The following PHTF2 variants were observed in gnomAD, a reference collection of about 807,000 sequenced individuals.
PHTF2 encodes putative homeodomain transcription factor 2.
In PHTF2, 60 loss-of-function variants were observed where a neutral mutation model predicts 101.2. That is an observed-to-expected ratio of 0.59 (90% confidence interval 0.48 to 0.73). The LOEUF (loss-of-function observed/expected upper bound fraction) is 0.73. Ranked by LOEUF, PHTF2 falls within the 30% of genes least tolerant of loss-of-function variation. The probability of loss-of-function intolerance (pLI) is 0.00; values close to 1 mark genes in which losing one functional copy is unlikely to be tolerated. For missense variants in PHTF2, 747 were observed against 908.7 expected (o/e 0.82, Z 2.29); for synonymous variants, 311 against 307.3 (o/e 1.01, Z -0.13).
intron 12 of PHTF2, among the ~76,000 whole-genome samples, chr7:77,930,551 G>C (rs564790374): frequency 6.6e-6 from 1 of 151,634 alleles, no homozygotes. Context: ...CAGAAAACTC[G>C]AGAAAAAAAA....
intron 1 of PHTF2, among the ~76,000 whole-genome samples, chr7:77,832,992 A>G (rs1049372113): frequency 2.0e-5 from 3 of 151,878 alleles, no homozygotes; most frequent in African/African-American, 7.2e-5. Flanking sequence ...ATAAAATAGG[A>G]CAATCGTAAC....
intron 16 of PHTF2, among the ~76,000 whole-genome samples, chr7:77,945,058 G>A (rs1371384463): frequency 6.6e-6 from 1 of 152,208 alleles, no homozygotes; most frequent in Non-Finnish European, 1.5e-5. Context: ...TACAGGAGGA[G>A]GCTGGGTGTG....
chr7:77,801,630 T>G (rs932154294), intron 1 of PHTF2, among the ~76,000 whole-genome samples: 7 of 152,124 alleles, frequency 4.6e-5, no homozygotes, highest in African/African-American at 1.7e-4. Context: ...AAACTTAGCT[T>G]CATGCACAGA....
intron 1 of PHTF2, among the ~76,000 whole-genome samples, chr7:77,802,446 C>G (rs1202495709): frequency 6.6e-6 from 1 of 152,174 alleles, no homozygotes; most frequent in African/African-American, 2.4e-5. Context: ...AACCCCTTTA[C>G]CTAGCCTGTA....
chr7:77,881,720 A>G (rs1425799545), intron 3 of PHTF2, among the ~76,000 whole-genome samples: 1 of 152,158 alleles, frequency 6.6e-6, no homozygotes, highest in Non-Finnish European at 1.5e-5. Context: ...CATGGTTAAT[A>G]GTAGCAGTGC....
chr7:77,936,898 A>C (rs1025521624), intron 12 of PHTF2, among the ~76,000 whole-genome samples: 3 of 151,918 alleles, frequency 2.0e-5, no homozygotes, highest in Non-Finnish European at 4.4e-5. Context: ...TAATCCCAGC[A>C]CTTTGGGAGG....
intron 1 of PHTF2, among the ~76,000 whole-genome samples, chr7:77,810,536 C>A (rs117460325): frequency 6.6e-6 from 1 of 152,058 alleles, no homozygotes; most frequent in African/African-American, 2.4e-5. Context: ...AGAGTGACCT[C>A]CCATTTTTTT....
intron 2 of PHTF2, among the ~76,000 whole-genome samples, chr7:77,853,843 C>T (rs565488300): frequency 1.3e-5 from 2 of 152,148 alleles, no homozygotes; most frequent in Non-Finnish European, 2.9e-5. Context: ...TTCCTTCTCT[C>T]TTTTATCTTG....
exon 10 of PHTF2, chr7:77,920,420 A>G (rs1383510399): frequency 1.2e-6 from 2 of 1,613,708 alleles, no homozygotes; most frequent in Non-Finnish European, 8.5e-7. Context: ...TTCGACCAGA[A>G]GAGACAGCCT....
At chr7:77,949,772 T>A (rs1190616746) in exon 17 of PHTF2, 1 of 1,547,784 alleles carries the variant, frequency 6.5e-7, no homozygotes, top group Non-Finnish European at 8.8e-7. Context: ...CTAAGATTTG[T>A]TACCCTTGGA....
chr7:77,891,171 A>AGT (rs1248359404), intron 3 of PHTF2, among the ~76,000 whole-genome samples: 1 of 152,110 alleles, frequency 6.6e-6, no homozygotes, highest in Non-Finnish European at 1.5e-5. Flanking sequence ...GGCCTCCCAA[A>AGT]GTGCTAGGAT....
chr7:77,842,392 C>T lies in PHTF2; in HGVS notation c.45+2092C>T, dbSNP rs76358028. Among the ~76,000 whole-genome samples, 38 of 152,110 alleles carry T rather than the reference C, an allele frequency of 2.5e-4. No homozygotes were observed. The East Asian group carries it at 4.3e-3, about 17-fold the overall frequency. ...CTAGATCTTGTATTTTTAGTAGAGA[C>T]GGGGTTTTGCCATGTTGCCCAGGCT... On this transcript the variant is annotated intron_variant, in intron 2 of 19. Coordinates refer to ENST00000416283, the Ensembl canonical transcript of PHTF2.
chr7:77,833,728 A>G (rs896831317), intron 1 of PHTF2, among the ~76,000 whole-genome samples: 2 of 152,200 alleles, frequency 1.3e-5, no homozygotes, highest in African/African-American at 4.8e-5. Context: ...TGGGAAGCTA[A>G]GGCAGGACAG....
At chr7:77,925,495 GTTTTTTTTTTT>G (rs58290945) in intron 11 of PHTF2, among the ~76,000 whole-genome samples, 4 of 73,166 alleles carry the variant, frequency 5.5e-5, no homozygotes, top group African/African-American at 1.7e-4. Context: ...AGTTTTTAGG[GTTTTTTTTTTT>G]TTTTTTTTTT....
intron 12 of PHTF2, among the ~76,000 whole-genome samples, chr7:77,933,883 G>C (rs1212738184): frequency 6.6e-6 from 1 of 152,082 alleles, no homozygotes; most frequent in Admixed American, 6.6e-5. Flanking sequence ...AGAGTAAATT[G>C]CTCCTAAGTC....
chr7:77,870,775 G>T (rs1045806574), intron 3 of PHTF2, among the ~76,000 whole-genome samples: 1 of 152,074 alleles, frequency 6.6e-6, no homozygotes, highest in African/African-American at 2.4e-5. Flanking sequence ...TTCAAATAAA[G>T]ACAATAATAA....
chr7:77,875,957 T>C (rs1308868472), intron 3 of PHTF2, among the ~76,000 whole-genome samples: 1 of 152,210 alleles, frequency 6.6e-6, no homozygotes, highest in Non-Finnish European at 1.5e-5. Context: ...TAAATATATA[T>C]TACTGCTATT....
chr7:77,869,276 T>C (rs1247981642), intron 3 of PHTF2, among the ~76,000 whole-genome samples: 1 of 152,216 alleles, frequency 6.6e-6, no homozygotes, highest in East Asian at 1.9e-4. Context: ...TTCTTTGTGT[T>C]GGGAACATTT....
chr7:77,948,795 G>A (rs1806296766), intron 16 of PHTF2, among the ~76,000 whole-genome samples: 1 of 152,150 alleles, frequency 6.6e-6, no homozygotes, highest in Admixed American at 6.5e-5. Flanking sequence ...AAGTATGAAT[G>A]AAAATGATGG....
Sources: gnomAD v4.1 joint callset for allele counts (sites outside exome capture counted in the v4.1 genomes callset) on GRCh38, gnomAD v4.1.1 for gene constraint, MANE v1.5 for transcripts, NCBI Gene and HGNC (gene_info 2026-07-23, HGNC 2026-07-21) for gene names.